Variants in IQGAP1 observed in about 807,000 individuals in gnomAD.
IQGAP1 encodes the protein IQ motif containing GTPase activating protein 1, also known as ras GTPase-activating-like protein IQGAP1.
Under a neutral mutation model 215.6 loss-of-function variants are expected in IQGAP1, and 66 were observed. The ratio of observed to expected loss-of-function variants is 0.31; its 90% CI spans 0.25 to 0.38. The LOEUF is 0.38. Ranked by LOEUF, IQGAP1 falls within the 10% of genes least tolerant of loss-of-function variation. The pLI is 1.00. For missense variants in IQGAP1, 1,712 were observed against 1,997.1 expected (o/e 0.86, Z 2.72); for synonymous variants, 772 against 728.7 (o/e 1.06, Z -0.96).
intron 5 of IQGAP1, among the ~76,000 whole-genome samples, chr15:90,437,757 T>C (rs947642283): frequency 6.6e-6 from 1 of 152,098 alleles, no homozygotes; most frequent in South Asian, 2.1e-4. Context: ...TCAAGCTGTT[T>C]TGAATTCCTG....
At chr15:90,471,232 C>T (rs921894551) in intron 18 of IQGAP1, among the ~76,000 whole-genome samples, 2 of 152,120 alleles carry the variant, frequency 1.3e-5, no homozygotes, top group African/African-American at 4.8e-5. Context: ...GAAAATGTGG[C>T]TTCATGGTAT....
rs73482594 is a variant in IQGAP1 at position 90,456,325 on chromosome 15, A to G, written c.1776+10A>G. On this transcript the variant is annotated intron_variant, in intron 15 of 37. Coordinates refer to ENST00000268182, the MANE Select transcript of IQGAP1 (RefSeq NM_003870.4). ...GAGAGAGAAAGCCCAGGTGAGTGGC[A>G]TCGGAATTGTTCTTTATGTTCAGAG... The G allele has an allele frequency of 1.9e-6, 3 of 1,613,644 alleles. No homozygotes were observed. The highest frequency in any genetic ancestry group is 1.7e-4 in the Middle Eastern group (1 of 6,054).
chr15:90,438,716 A>G (rs1385571712), intron 5 of IQGAP1, among the ~76,000 whole-genome samples: 3 of 151,478 alleles, frequency 2.0e-5, no homozygotes, highest in Non-Finnish European at 4.4e-5. Context: ...TTATATTAAC[A>G]TTAATGTTAA....
intron 18 of IQGAP1, 95 bp downstream of exon 18, chr15:90,467,687 C>G: frequency 7.7e-7 from 1 of 1,307,040 alleles, no homozygotes; most frequent in Non-Finnish European, 1.0e-6. Context: ...GTCAGAAGCC[C>G]TAGACTAAAA....
At chr15:90,462,629 C>T (rs1965778978) in intron 15 of IQGAP1, among the ~76,000 whole-genome samples, 2 of 152,036 alleles carry the variant, frequency 1.3e-5, no homozygotes, top group Non-Finnish European at 1.5e-5. Flanking sequence ...TGAGAAGTGC[C>T]CTTTAGAGGG....
intron 2 of IQGAP1, among the ~76,000 whole-genome samples, chr15:90,406,882 C>G (rs568307150): frequency 3.9e-5 from 6 of 152,086 alleles, no homozygotes; most frequent in East Asian, 1.9e-4. Flanking sequence ...TGGTGGGAAA[C>G]GAAAACAAAA....
chr15:90,472,271 T>A (rs1965916211), intron 18 of IQGAP1, among the ~76,000 whole-genome samples: 1 of 152,176 alleles, frequency 6.6e-6, no homozygotes, highest in Non-Finnish European at 1.5e-5. Flanking sequence ...TGAAACCTTG[T>A]CTCTAAAGTA....
At chr15:90,482,472 G>T (rs528816711) in intron 28 of IQGAP1, among the ~76,000 whole-genome samples, 191 bp downstream of exon 28, 1 of 152,114 alleles carries the variant, frequency 6.6e-6, no homozygotes, top group Non-Finnish European at 1.5e-5. Context: ...CTATAGTTTG[G>T]CACACAAACA....
intron 18 of IQGAP1, 65 bp from the exon 19 acceptor site, chr15:90,472,775 C>T (rs1022881258): frequency 6.8e-7 from 1 of 1,472,152 alleles, no homozygotes; most frequent in Non-Finnish European, 9.3e-7. Flanking sequence ...GTGGATGATA[C>T]TTCGTGAAAA....
In IQGAP1 at chr15:90,477,181, G is replaced by A; in HGVS notation, c.3055G>A (p.Glu1019Lys). ...LYNYASNQRE[E>K]YLLLRLFKTA... ...CAACTACGCGTCCAACCAGCGAGAG[G>A]AGTACCTGCTCCTGCGGCTCTTTAA... Residue 1019 changes from glutamate to lysine, a missense_variant, in exon 25 of 38, where the codon GAG becomes AAG. Glu to Lys is a moderately conservative substitution (Grantham distance 56). Transcript: ENST00000268182. 6.2e-7 allele frequency: 1 copy of A among 1,614,082 alleles called. No individual in the cohort carries two copies. The highest frequency in any genetic ancestry group is 8.5e-7 in the Non-Finnish European group (1 of 1,180,018).
chr15:90,434,810 A>G (rs1965348747), intron 5 of IQGAP1, among the ~76,000 whole-genome samples: 1 of 152,150 alleles, frequency 6.6e-6, no homozygotes, highest in Non-Finnish European at 1.5e-5. Flanking sequence ...AAATTTTTAG[A>G]TTTTGGAGCA....
chr15:90,492,444 A>G, intron 34 of IQGAP1, 101 bp from the exon 35 acceptor site: 16 of 461,228 alleles, frequency 3.5e-5, no homozygotes, highest in Non-Finnish European at 5.4e-5. Context: ...AAAAAAAAGT[A>G]GGTAGTCATA....
Position 90,483,692 on chromosome 15 carries a change from C to T in IQGAP1, c.3788+99C>T. ...AAAACCACCTCTCACTTTCCCCGGA[C>T]TGCCATATGTAGAAGACGTGTTTGA... On this transcript the variant is annotated intron_variant, in intron 29 of 37. Coordinates refer to ENST00000268182, the MANE Select transcript of IQGAP1 (RefSeq NM_003870.4). The T allele has an allele frequency of 6.1e-6, 5 of 822,490 alleles. No homozygotes were observed. The South Asian group carries it at 8.0e-5, about 13-fold the overall frequency. 50.9% of individuals were successfully genotyped at this position (822,490 alleles called of 1,614,324 possible).
chr15:90,420,129 C>T (rs936469588), intron 2 of IQGAP1, among the ~76,000 whole-genome samples: 3 of 152,184 alleles, frequency 2.0e-5, no homozygotes, highest in Non-Finnish European at 2.9e-5. Context: ...TGTGACTCAT[C>T]ATGAGGGGAT....
chr15:90,389,340 A>ATTT, intron 1 of IQGAP1, among the ~76,000 whole-genome samples: 1 of 118,208 alleles, frequency 8.5e-6, no homozygotes, highest in Non-Finnish European at 1.9e-5. Context: ...ACGGGAGGTG[A>ATTT]CTTTTTTTTT....
rs367723870 is a variant in IQGAP1 at position 90,429,781 on chromosome 15, T to A, written c.390+115T>A. Reference sequence around the variant, plus strand: ...ATTCTCAGAATCTTTGGTGTTTTTTTAAATACTAAAAGATGTCTTTCTTTT... The same window carrying A: ...ATTCTCAGAATCTTTGGTGTTTTTTAAAATACTAAAAGATGTCTTTCTTTT... On this transcript the variant is annotated intron_variant, in intron 4 of 37. Transcript: ENST00000268182. The A allele has an allele frequency of 3.7e-5, 22 of 596,546 alleles. No individual in the cohort carries two copies. In the African/African-American group the frequency reaches 4.0e-4, roughly 11 times the overall value. 37.0% of individuals were successfully genotyped at this position (596,546 alleles called of 1,614,324 possible).
intron 33 of IQGAP1, among the ~76,000 whole-genome samples, chr15:90,491,098 C>T (rs539496137): frequency 2.6e-5 from 4 of 152,242 alleles, no homozygotes; most frequent in East Asian, 3.9e-4. Context: ...CATGAGCCAC[C>T]GCGCCTAGCC....
At chr15:90,442,846 C>A (rs1426711003) in intron 8 of IQGAP1, among the ~76,000 whole-genome samples, 1 of 152,160 alleles carries the variant, frequency 6.6e-6, no homozygotes, top group Non-Finnish European at 1.5e-5. Flanking sequence ...ATGGTGCACG[C>A]CTGTAGTCCC....
In IQGAP1 at chr15:90,415,104, T is replaced by TA. The variant is rs572711959; in HGVS notation, c.156-11000dup. Among the ~76,000 whole-genome samples, 7 of 152,330 alleles carry TA rather than the reference T, an allele frequency of 4.6e-5. No individual in the cohort carries two copies. The South Asian group carries it at 1.4e-3, about 32-fold the overall frequency. On this transcript the variant is annotated intron_variant, in intron 2 of 37. Transcript: ENST00000268182. Reference sequence around the variant, plus strand: ...GACACACTGGACAACAATGTTATTTTAAAAAATCTTTGCTAGTCTGATAGC... The same window carrying TA: ...GACACACTGGACAACAATGTTATTTTAAAAAAATCTTTGCTAGTCTGATAGC...
Sources: allele counts gnomAD v4.1 joint callset (sites outside exome capture counted in the v4.1 genomes callset), GRCh38; gene constraint gnomAD v4.1.1; transcripts MANE v1.5; gene names NCBI Gene and HGNC (gene_info 2026-07-23, HGNC 2026-07-21).